The following SOX30 variants were observed in gnomAD, a reference collection of about 807,000 sequenced individuals.
The protein encoded by SOX30 is transcription factor SOX-30.
In SOX30, 17 loss-of-function variants were observed where a neutral mutation model predicts 58.6. The ratio of observed to expected loss-of-function variants is 0.29; its 90% CI spans 0.20 to 0.44. The LOEUF is 0.44. Ranked by LOEUF, SOX30 falls within the 20% of genes least tolerant of loss-of-function variation. The pLI is 1.00. For synonymous variants in SOX30, 421 were observed against 400.2 expected, an observed-to-expected ratio of 1.05 and a Z score of -0.62; for missense variants, 951 against 965.8, an observed-to-expected ratio of 0.98 and a Z score of 0.20.
intron 1 of SOX30, 73 bp from the exon 2 acceptor site, chr5:157,648,969 C>A (rs1759261437): frequency 6.6e-7 from 1 of 1,514,648 alleles, no homozygotes; most frequent in Non-Finnish European, 8.9e-7. Context: ...AGGTAAAGTG[C>A]ACCTCCGTCT....
intron 1 of SOX30, among the ~76,000 whole-genome samples, chr5:157,670,170 G>A (rs1447690707): frequency 6.6e-6 from 1 of 152,206 alleles, no homozygotes; most frequent in Non-Finnish European, 1.5e-5. Context: ...AAAGTCTGCA[G>A]GAGAGACAAT....
At chr5:157,665,623 A>C (rs1182594251) in intron 2 of SOX30, among the ~76,000 whole-genome samples, 3 of 147,670 alleles carry the variant, frequency 2.0e-5, no homozygotes, top group Non-Finnish European at 4.5e-5. Context: ...AATAAAATAA[A>C]TATATATTTT....
At chr5:157,657,418 TA>T (rs1374515885), upstream of SOX30, among the ~76,000 whole-genome samples, 1 of 152,198 alleles carries the variant, frequency 6.6e-6, no homozygotes. Context: ...AAAGTTGGTT[TA>T]TAATCAACTG....
At chr5:157,667,575 A>T (rs556843113) in intron 2 of SOX30, among the ~76,000 whole-genome samples, 10 of 152,216 alleles carry the variant, frequency 6.6e-5, no homozygotes, top group African/African-American at 2.4e-4. Flanking sequence ...CTCTTCTAAA[A>T]ATACAAAAAT....
intron 1 of SOX30, among the ~76,000 whole-genome samples, chr5:157,650,274 T>G (rs1759297203): frequency 6.6e-6 from 1 of 151,846 alleles, no homozygotes; most frequent in South Asian, 2.1e-4. Context: ...TAAAAACTAC[T>G]AAAGATAAAA....
At chr5:157,653,224 T>G (rs1759406036), upstream of SOX30, among the ~76,000 whole-genome samples, 1 of 152,234 alleles carries the variant, frequency 6.6e-6, no homozygotes, top group South Asian at 2.1e-4. Flanking sequence ...TGGGACTTCT[T>G]CAGAGAAGCT....
chr5:157,649,764 T>A (rs1403290359), intron 1 of SOX30, among the ~76,000 whole-genome samples: 1 of 152,166 alleles, frequency 6.6e-6, no homozygotes. Flanking sequence ...TACTCCAGAC[T>A]GGGCAACAGA....
intron 2 of SOX30, among the ~76,000 whole-genome samples, chr5:157,661,486 C>G (rs543122627): frequency 1.3e-5 from 2 of 152,244 alleles, no homozygotes; most frequent in East Asian, 3.9e-4. Flanking sequence ...CTGTTGCAAC[C>G]AATCAACTCT....
chr5:157,665,192 C>G (rs1020405517), intron 2 of SOX30, among the ~76,000 whole-genome samples: 4 of 152,266 alleles, frequency 2.6e-5, no homozygotes, highest in African/African-American at 9.6e-5. Context: ...AGACTTGGAA[C>G]CAACCCAAAT....
chr5:157,647,718 C>A (rs1040931634), intron 2 of SOX30, among the ~76,000 whole-genome samples: 1 of 151,834 alleles, frequency 6.6e-6, no homozygotes. Context: ...CCATGCCCAG[C>A]TAATTTTTTT....
At chr5:157,628,437 AC>A (rs1319698023) in intron 4 of SOX30, among the ~76,000 whole-genome samples, 1 of 151,418 alleles carries the variant, frequency 6.6e-6, no homozygotes, top group African/African-American at 2.4e-5. Context: ...ACTTTTAAAA[AC>A]CTAAGTATGA....
chr5:157,664,850 C>A (rs1443013019), intron 2 of SOX30, among the ~76,000 whole-genome samples: 1 of 152,180 alleles, frequency 6.6e-6, no homozygotes, highest in African/African-American at 2.4e-5. Flanking sequence ...TGAAAAAATG[C>A]TCATCATCAC....
intron 2 of SOX30, among the ~76,000 whole-genome samples, chr5:157,666,456 T>C (rs1759672590): frequency 1.4e-5 from 2 of 146,876 alleles, no homozygotes; most frequent in African/African-American, 2.5e-5. Context: ...TATGCCCAGA[T>C]GAAAGATTCT....
At chr5:157,653,517 C>G (rs759876847), upstream of SOX30, among the ~76,000 whole-genome samples, 2 of 152,142 alleles carry the variant, frequency 1.3e-5, no homozygotes, top group Non-Finnish European at 2.9e-5. Context: ...TAATCACTAC[C>G]TGTGTTAAGG....
chr5:157,626,383 T>C lies in SOX30; in HGVS notation c.2219A>G (p.Asp740Gly), dbSNP rs1447683767. ...PSSIQQVNVT[D>G]SDEEEEEKVL... Reference sequence around the variant, plus strand: ...TTTTTCTTCTTCCTCCTCATCACTGTCGGTGACATTGACTTGCTGGATGCT... The same window carrying C: ...TTTTTCTTCTTCCTCCTCATCACTGCCGGTGACATTGACTTGCTGGATGCT... The change falls in exon 5 of 5, where the codon GAC becomes GGC. Residue 740 changes from aspartate to glycine, a missense_variant. Transcript: ENST00000265007. 6.2e-6 allele frequency: 10 copies of C among 1,613,702 alleles called. No homozygotes were observed. The highest frequency in any genetic ancestry group is 8.5e-6 in the Non-Finnish European group (10 of 1,179,728).
chr5:157,668,148 G>C (rs1313231683), intron 1 of SOX30, among the ~76,000 whole-genome samples: 2 of 152,220 alleles, frequency 1.3e-5, no homozygotes, highest in East Asian at 3.8e-4. Flanking sequence ...CTCTGTGAGG[G>C]ATGCCCATGT....
In SOX30 at chr5:157,625,882, TAGG is replaced by T. The variant is rs1221534732; in HGVS notation, c.*455_*457del. ...ATTTAGCAACCAAGTCCAAGTTCAC[TAGG>T]AGTTGTCAAAATACTTTCAAAATGT... is the stretch of plus-strand genomic sequence containing the variant. On this transcript the variant is annotated 3_prime_UTR_variant, in exon 5 of 5. Coordinates refer to ENST00000265007, the MANE Select transcript of SOX30 (RefSeq NM_178424.2). 6.5e-6 allele frequency: 1 copy of T among 152,962 alleles called. No homozygotes were observed. Among genetic ancestry groups the T allele is most frequent in the Admixed American group, 6.5e-5 (1 of 15,286 alleles). 9.5% of individuals were successfully genotyped at this position (152,962 alleles called of 1,614,324 possible).
At chr5:157,645,991 C>T (rs1759181338) in intron 3 of SOX30, among the ~76,000 whole-genome samples, 1 of 148,346 alleles carries the variant, frequency 6.7e-6, no homozygotes, top group Non-Finnish European at 1.5e-5. Flanking sequence ...TTGCTCCAGC[C>T]TGGTCAACAA....
At chr5:157,640,639 C>T (rs942483419) in intron 3 of SOX30, among the ~76,000 whole-genome samples, 2 of 152,182 alleles carry the variant, frequency 1.3e-5, no homozygotes, top group African/African-American at 4.8e-5. Context: ...CTATCGCCTG[C>T]ATGTGCACAA....
Sources: allele counts gnomAD v4.1 joint callset (sites outside exome capture counted in the v4.1 genomes callset), GRCh38; gene constraint gnomAD v4.1.1; transcripts MANE v1.5; gene names NCBI Gene and HGNC (gene_info 2026-07-23, HGNC 2026-07-21).